Variants in NACA observed in about 807,000 individuals in gnomAD.
The protein encoded by NACA is nascent polypeptide associated complex subunit alpha.
In NACA, 42 loss-of-function variants were observed where a neutral mutation model predicts 86.4. That is an observed-to-expected ratio of 0.49 (90% confidence interval 0.38 to 0.63). NACA has a LOEUF of 0.63. Among genes scored for constraint, NACA ranks in the 20% least tolerant of loss-of-function variants. NACA has a pLI of 0.00. For missense variants in NACA, 2,157 were observed against 2,483.6 expected, an observed-to-expected ratio of 0.87 and a Z score of 2.80; for synonymous variants, 898 against 973.7, an observed-to-expected ratio of 0.92 and a Z score of 1.45.
chr12:56,713,991 TACC>T, intron 5 of NACA: 1 of 399,420 alleles, frequency 2.5e-6, no homozygotes, highest in Non-Finnish European at 4.6e-6. Flanking sequence ...ACAGGAGCGT[TACC>T]ACCATGCCCT....
rs202204935 is a variant in NACA at position 56,716,793 on chromosome 12, G to C, written c.4737C>G (p.Ala1579=). The part of the protein sequence containing the change: ...EAPATPSSKE[A]SSPPAVTPST... ...AAGGAGTCACTGCTGGGGGACTGGA[G>C]GCCTCTTTGGAGGATGGGGTAGCTG... The change falls in exon 3 of 9, where the codon GCC becomes GCG. Residue 1579 remains alanine, a synonymous_variant. Coordinates refer to ENST00000454682, the MANE Select transcript of NACA (RefSeq NM_001365896.1). 1 of 1,346,640 alleles carries C rather than the reference G, an allele frequency of 7.4e-7. No homozygotes were observed. Among genetic ancestry groups the C allele is most frequent in the Non-Finnish European group, 9.7e-7 (1 of 1,027,730 alleles). The allele number at this position is 1,346,640 out of a possible 1,614,324, so 83.4% of individuals were successfully genotyped here. A position where few individuals can be genotyped will look rare whatever the true frequency, so the allele number is the denominator to read the frequency against.
rs771844906 is a variant in NACA at position 56,721,241 on chromosome 12, G to A, written c.289C>T (p.Pro97Ser). The change falls in exon 3 of 9, where the codon CCT becomes TCT. Residue 97 changes from proline to serine, a missense_variant. Pro to Ser is a moderately conservative substitution (Grantham distance 74, BLOSUM62 -1). Coordinates refer to ENST00000454682, the MANE Select transcript of NACA (RefSeq NM_001365896.1). ...TTTGGTAGGAAGGTTGGGGCTTCAG[G>A]GGCAGTTCCCAAAGGTAGGGCTGTT... ...SGTALPLGTA[P>S]EAPTFLPNLI... The A allele has an allele frequency of 6.2e-7, 1 of 1,613,714 alleles. No individual in the cohort carries two copies. The highest frequency in any genetic ancestry group is 8.5e-7 in the Non-Finnish European group (1 of 1,179,802).
rs1380128772 is a variant in NACA, at chr12:56,720,861, A to C, written c.669T>G (p.Ile223Met). The change falls in exon 3 of 9, where the codon ATT (isoleucine) becomes ATG (methionine). Residue 223 changes from isoleucine to methionine, a missense_variant. Around this residue, in one of 8 missense-constraint regions of NACA, gnomAD observed 947 missense variants for 917.9 expected, o/e 1.03. Transcript: ENST00000454682. Reference protein sequence around the residue: ...PYHCVTPMASIQSGVASLPQT... With the variant: ...PYHCVTPMASMQSGVASLPQT... The stretch of plus-strand genomic sequence containing the variant: ...GAGGAAGGGAGGCCACTCCAGATTG[A>C]ATAGAGGCCATGGGAGTCACACAGT... The C allele has an allele frequency of 6.2e-7, 1 of 1,613,814 alleles. No individual in the cohort carries two copies. Among genetic ancestry groups the C allele is most frequent in the Non-Finnish European group, 8.5e-7 (1 of 1,179,886 alleles).
In NACA at chr12:56,717,733, G is replaced by A. The variant is rs1953423947; in HGVS notation, c.3797C>T (p.Pro1266Leu). ...TAGGGAGGGAGGAGTTGCAGCTGGG[G>A]GAGTGGGGGCCCCTTTGGGGGGTGG... is the stretch of plus-strand genomic sequence containing the variant. ...ATPPPKGAPT[P>L]PAATPPSLKG... Residue 1266 changes from proline to leucine, a missense_variant, in exon 3 of 9, where the codon CCC becomes CTC. Transcript: ENST00000454682. The A allele has an allele frequency of 2.6e-6, 3 of 1,172,282 alleles. No homozygotes were observed. The highest frequency in any genetic ancestry group is 3.2e-6 in the Non-Finnish European group (3 of 934,572). The allele number at this position is 1,172,282 out of a possible 1,614,324, so 72.6% of individuals were successfully genotyped here. A position where few individuals can be genotyped will look rare whatever the true frequency, so the allele number is the denominator to read the frequency against.
chr12:56,717,512 G>C lies in NACA; in HGVS notation c.4018C>G (p.Pro1340Ala), dbSNP rs372859301. Residue 1340 changes from proline (P) to alanine (A), a missense_variant, in exon 3 of 9, where the codon CCT (proline) becomes GCT (alanine). Physicochemically the swap from Pro to Ala is conservative, Grantham distance 27. Transcript: ENST00000454682. ...GTAGGGGTCCCTTTAGGGGAGGGAGGAGTTACAGCTGGGGGAGTGGGGGCC... is the reference window on the plus strand; with the variant it reads ...GTAGGGGTCCCTTTAGGGGAGGGAGCAGTTACAGCTGGGGGAGTGGGGGCC... The part of the protein sequence containing the change: ...KGAPTPPAVT[P>A]PSPKGTPTLP... The C allele has an allele frequency of 3.8e-6, 5 of 1,309,186 alleles. No individual in the cohort carries two copies. The highest frequency in any genetic ancestry group is 1.5e-5 in the African/African-American group (1 of 65,758). The allele number at this position is 1,309,186 out of a possible 1,614,324, so 81.1% of individuals were successfully genotyped here.
In NACA at chr12:56,716,864, G is replaced by A; in HGVS notation, c.4666C>T (p.Pro1556Ser). The A allele has an allele frequency of 7.8e-7, 1 of 1,289,962 alleles. No homozygotes were observed. Among genetic ancestry groups the A allele is most frequent in the South Asian group, 1.6e-5 (1 of 63,148 alleles). 79.9% of individuals were successfully genotyped at this position (1,289,962 alleles called of 1,614,324 possible). Residue 1556 changes from proline to serine, a missense_variant, in exon 3 of 9, where the codon CCC becomes TCC. By Grantham distance (74) the Pro-to-Ser change is moderately conservative. Transcript: ENST00000454682. ...EALIPPAMTV[P>S]SPKKTPAIPT... Reference sequence around the variant, plus strand: ...ATTGCTGGGGTCTTTTTAGGGGAGGGAACAGTCATAGCTGGGGGAATGAGG... The same window carrying A: ...ATTGCTGGGGTCTTTTTAGGGGAGGAAACAGTCATAGCTGGGGGAATGAGG...
rs761852636 is a variant in NACA at position 56,717,543 on chromosome 12, G to A, written c.3987C>T (p.Pro1329=). The A allele has an allele frequency of 7.7e-7, 1 of 1,296,866 alleles. No individual in the cohort carries two copies. Among genetic ancestry groups the A allele is most frequent in the Non-Finnish European group, 1.0e-6 (1 of 1,001,104 alleles). 80.3% of individuals were successfully genotyped at this position (1,296,866 alleles called of 1,614,324 possible). Reference sequence around the variant, plus strand: ...CAGCTGGGGGAGTGGGGGCCCCTTTGGGGGGTGGGGTACCTGGGCTTCCTT... The same window carrying A: ...CAGCTGGGGGAGTGGGGGCCCCTTTAGGGGGTGGGGTACCTGGGCTTCCTT... ...SPKGSPGTPP[P]KGAPTPPAVT... is the part of the protein sequence containing the mutation. Residue 1329 remains proline, a synonymous_variant, in exon 3 of 9, where the codon CCC becomes CCT. Transcript: ENST00000454682.
At position 56,714,661 on chromosome 12, in the gene NACA, C is replaced by T. The variant is rs1188404308; in HGVS notation, c.5686G>A (p.Glu1896Lys). Residue 1896 changes from glutamate to lysine, a missense_variant, in exon 4 of 9, where the codon GAA (glutamate) becomes AAA (lysine). Physicochemically the swap from Glu to Lys is moderately conservative, Grantham distance 56. This residue lies in a region of NACA where 797 missense variants were observed against 777.6 expected (regional missense o/e 1.02). Transcript: ENST00000454682. ...KGSGTESDSDESVPELEEQDS... is the reference protein window; with the variant it reads ...KGSGTESDSDKSVPELEEQDS... ...TGTTCTTCAAGCTCTGGTACTGATT[C>T]ATCACTGTCAGATTCTGTTCCAGAC... 2 of 1,614,082 alleles carry T rather than the reference C, an allele frequency of 1.2e-6. No homozygotes were observed. The highest frequency in any genetic ancestry group is 1.3e-5 in the African/African-American group (1 of 74,942).
chr12:56,718,282 G>A lies in NACA; in HGVS notation c.3248C>T (p.Pro1083Leu), dbSNP rs747556754. The change falls in exon 3 of 9, where the codon CCA (proline) becomes CTA (leucine). Residue 1083 changes from proline (P) to leucine (L), a missense_variant. Coordinates refer to ENST00000454682, the MANE Select transcript of NACA (RefSeq NM_001365896.1). ...TPSLKGAPTP[P>L]AATPPSPKGG... ...TTTTGGGGAGGGAGGAGTCGCAGCT[G>A]GGGGAGTGGGGGCCCCCTTGAGGGA... 1 of 1,137,648 alleles carries A rather than the reference G, an allele frequency of 8.8e-7. No homozygotes were observed. The highest frequency in any genetic ancestry group is 1.1e-6 in the Non-Finnish European group (1 of 912,230). 70.5% of individuals were successfully genotyped at this position (1,137,648 alleles called of 1,614,324 possible).
At position 56,718,131 on chromosome 12, in the gene NACA, AGG is replaced by A; in HGVS notation, c.3397_3398del (p.Pro1133SerfsTer211). 5.2e-4 allele frequency: 443 copies of A among 844,096 alleles called. No homozygotes were observed. The highest frequency in any genetic ancestry group is 5.6e-4 in the Non-Finnish European group (398 of 708,208). The allele number at this position is 844,096 out of a possible 1,614,324, so 52.3% of individuals were successfully genotyped here. The stretch of plus-strand genomic sequence containing the variant: ...TAGCTAGACCTCCTTTTGGGGAGGG[AGG>A]AGTTGCAGCTGGGGTTGTGGGTGCC... The part of the protein sequence containing the change: ...KGAPTTPAAT[P>X]PSPKGGLATP... On this transcript the variant is annotated frameshift_variant, in exon 3 of 9. Coordinates refer to ENST00000454682, the MANE Select transcript of NACA (RefSeq NM_001365896.1). LOFTEE classifies it high-confidence loss of function.
At chr12:56,722,903 A>C (rs1953612811) in intron 2 of NACA, among the ~76,000 whole-genome samples, 1 of 151,762 alleles carries the variant, frequency 6.6e-6, no homozygotes, top group Admixed American at 6.6e-5. Context: ...GCGGGGGGGA[A>C]GCCCGTGGTA....
Position 56,717,104 on chromosome 12 carries a change from TG to T in NACA, c.4425del (p.Lys1476ArgfsTer33). The T allele has an allele frequency of 8.3e-7, 1 of 1,205,212 alleles. No homozygotes were observed. Among genetic ancestry groups the T allele is most frequent in the African/African-American group, 1.8e-5 (1 of 56,570 alleles). 74.7% of individuals were successfully genotyped at this position (1,205,212 alleles called of 1,614,324 possible). A position where few individuals can be genotyped will look rare whatever the true frequency, so the allele number is the denominator to read the frequency against. ...PTLPAVTPPS[P>X]KEPPAPKQVA... ...ACTTGTTTGGGGGCTGGGGGCTCCT[TG>T]GGGGAAGGAGGAGTCACTGCTGGGA... On this transcript the variant is annotated frameshift_variant, in exon 3 of 9. Transcript: ENST00000454682. LOFTEE classifies it high-confidence loss of function.
rs1164943948 is a variant in NACA, at chr12:56,712,925, A to G, written c.6100-17T>C. The G allele has an allele frequency of 6.2e-7, 1 of 1,614,054 alleles. No homozygotes were observed. Among genetic ancestry groups the G allele is most frequent in the African/African-American group, 1.3e-5 (1 of 75,062 alleles). On this transcript the variant is annotated splice_polypyrimidine_tract_variant and intron_variant, in intron 7 of 8. Transcript: ENST00000454682. ...TTCATCGACCTGAGAGATGAGAGGGAAAAAGCAGTAAATTAAAGGCAAGAA... is the reference window on the plus strand; with the variant it reads ...TTCATCGACCTGAGAGATGAGAGGGGAAAAGCAGTAAATTAAAGGCAAGAA...
rs769218250 is a variant in NACA, at chr12:56,716,563, G to C, written c.4967C>G (p.Ser1656Cys). The C allele has an allele frequency of 6.8e-7, 1 of 1,460,100 alleles. No individual in the cohort carries two copies. Among genetic ancestry groups the C allele is most frequent in the African/African-American group, 1.4e-5 (1 of 72,042 alleles). 90.4% of individuals were successfully genotyped at this position (1,460,100 alleles called of 1,614,324 possible). A position where few individuals can be genotyped will look rare whatever the true frequency, so the allele number is the denominator to read the frequency against. ...SLKDSPTSPASVTCKMGATVP... is the reference protein window; with the variant it reads ...SLKDSPTSPACVTCKMGATVP... ...AGTGGCCCCCATTTTACATGTGACA[G>C]AAGCTGGGGAAGTAGGGGAGTCTTT... The change falls in exon 3 of 9, where the codon TCT (serine) becomes TGT (cysteine). Residue 1656 changes from serine to cysteine, a missense_variant. This residue lies in a region of NACA where 797 missense variants were observed against 777.6 expected (regional missense o/e 1.02). Transcript: ENST00000454682.
chr12:56,717,476 T>C lies in NACA; in HGVS notation c.4054A>G (p.Thr1352Ala), dbSNP rs1180656615. 16 of 1,331,576 alleles carry C rather than the reference T, an allele frequency of 1.2e-5. No homozygotes were observed. The highest frequency in any genetic ancestry group is 1.5e-5 in the Non-Finnish European group (15 of 1,015,876). 82.5% of individuals were successfully genotyped at this position (1,331,576 alleles called of 1,614,324 possible). Residue 1352 changes from threonine (T) to alanine (A), a missense_variant, in exon 3 of 9, where the codon ACA becomes GCA. Around this residue, in one of 8 missense-constraint regions of NACA, gnomAD observed 797 missense variants for 777.6 expected, o/e 1.02. Transcript: ENST00000454682. ...SPKGTPTLPA[T>A]TPSSKGGPTT... ...GGGCCTCCTTTAGAGGAGGGAGTTG[T>C]AGCTGGGAGAGTAGGGGTCCCTTTA...
In NACA at chr12:56,718,572, G is replaced by T; in HGVS notation, c.2958C>A (p.Pro986=). The change falls in exon 3 of 9, where the codon CCC becomes CCA. Residue 986 remains proline (P), a synonymous_variant. Coordinates refer to ENST00000454682, the MANE Select transcript of NACA (RefSeq NM_001365896.1). ...AGGGAGGAGTTGCAGCTGGGGGTGT[G>T]GGGGCCCCTTTGGGGGATGGAGTAG... ...GPATPSPKGA[P]TPPAATPPSP... The T allele has an allele frequency of 7.7e-7, 1 of 1,306,438 alleles. No homozygotes were observed. The highest frequency in any genetic ancestry group is 3.5e-5 in the East Asian group (1 of 28,184). The allele number at this position is 1,306,438 out of a possible 1,614,324, so 80.9% of individuals were successfully genotyped here. A position where few individuals can be genotyped will look rare whatever the true frequency, so the allele number is the denominator to read the frequency against.
At chr12:56,713,220 A>G in intron 6 of NACA, 30 bp from the exon 7 acceptor site, 1 of 1,610,664 alleles carries the variant, frequency 6.2e-7, no homozygotes, top group Non-Finnish European at 8.5e-7. Context: ...GATCCATGTG[A>G]GTAGATTAGC....
rs1456594585 is a variant in NACA at position 56,716,704 on chromosome 12, G to A, written c.4826C>T (p.Ser1609Phe). The A allele has an allele frequency of 7.1e-7, 1 of 1,412,576 alleles. No individual in the cohort carries two copies. The highest frequency in any genetic ancestry group is 2.0e-4 in the Middle Eastern group (1 of 4,968). 87.5% of individuals were successfully genotyped at this position (1,412,576 alleles called of 1,614,324 possible). ...LLIPPAVTSP[S>F]PKEAPTPPAV... Reference sequence around the variant, plus strand: ...TGGAGGAGTAGGTGCCTCTTTGGGGGAAGGAGAAGTCACAGCTGGTGGAAT... The same window carrying A: ...TGGAGGAGTAGGTGCCTCTTTGGGGAAAGGAGAAGTCACAGCTGGTGGAAT... Residue 1609 changes from serine (S) to phenylalanine (F), a missense_variant, in exon 3 of 9, where the codon TCC becomes TTC. Transcript: ENST00000454682.
chr12:56,714,573 C>G (rs762306689), intron 4 of NACA, 29 bp downstream of exon 4: 2 of 1,612,526 alleles, frequency 1.2e-6, no homozygotes, highest in East Asian at 4.5e-5. Flanking sequence ...CTTCTTTGAC[C>G]CAATACCAGT....
Sources: gnomAD v4.1 joint callset for allele counts (sites outside exome capture counted in the v4.1 genomes callset) on GRCh38, gnomAD v4.1.1 for gene constraint, gnomAD v4.1.1 regional missense constraint, MANE v1.5 for transcripts, NCBI Gene and HGNC (gene_info 2026-07-23, HGNC 2026-07-21) for gene names.